S100A10: variants seen among roughly 807,000 people sequenced by gnomAD.
S100A10 encodes the protein S100 calcium binding protein A10, also known as protein S100-A10.
In S100A10, 3 loss-of-function variants were observed where a neutral mutation model predicts 7.1. The observed-to-expected ratio is 0.42, with a 90% CI of 0.19 to 1.10. The LOEUF (loss-of-function observed/expected upper bound fraction) is 1.10. Ranked by LOEUF, S100A10 falls within the 50% of genes least tolerant of loss-of-function variation. S100A10 has a pLI of 0.29. For missense variants in S100A10, 101 were observed against 118.1 expected (o/e 0.86, Z 0.67); for synonymous variants, 41 against 39.3 (o/e 1.04, Z -0.16).
intron 2 of S100A10, chr1:151,985,119 G>A (rs919010012): frequency 6.5e-6 from 1 of 152,920 alleles, no homozygotes; most frequent in African/African-American, 2.4e-5. Flanking sequence ...GGACTAATGT[G>A]CCGTTTACCA....
intron 2 of S100A10, among the ~76,000 whole-genome samples, chr1:151,984,907 T>C (rs148970863): frequency 2.6e-4 from 40 of 152,330 alleles, no homozygotes; most frequent in Middle Eastern, 3.4e-3. Context: ...TTCTAACTCC[T>C]GGTCTGGGGC....
chr1:151,988,517 C>A (rs751753549), intron 1 of S100A10, among the ~76,000 whole-genome samples: 3 of 152,104 alleles, frequency 2.0e-5, no homozygotes, highest in Non-Finnish European at 4.4e-5. Context: ...GAGGATTGAG[C>A]AATTAACACT....
rs1431260424 is a variant in S100A10, at chr1:151,993,074, T to C, written c.-22+678A>G. On this transcript the variant is annotated intron_variant, in intron 1 of 2. Coordinates refer to ENST00000368811, the MANE Select transcript of S100A10 (RefSeq NM_002966.3). This position sits in a 1 kb window ranked among gnomAD's most constrained non-coding sequence, Gnocchi z 5.1. ...ACTTATTAAGACAGCAAGGGAACCCTTTCAGTAGAGAAACCACGTCACACA... is the reference window on the plus strand; with the variant it reads ...ACTTATTAAGACAGCAAGGGAACCCCTTCAGTAGAGAAACCACGTCACACA... 6.6e-6 allele frequency among the ~76,000 whole-genome samples: 1 copy of C among 152,168 alleles called. No individual in the cohort carries two copies. The highest frequency in any genetic ancestry group is 2.4e-5 in the African/African-American group (1 of 41,436).
Position 151,993,423 on chromosome 1 carries a change from G to C in S100A10, c.-22+329C>G, listed in dbSNP as rs2101772618. On this transcript the variant is annotated intron_variant, in intron 1 of 2. Coordinates refer to ENST00000368811, the MANE Select transcript of S100A10 (RefSeq NM_002966.3). This position sits in a 1 kb window ranked among gnomAD's most constrained non-coding sequence, Gnocchi z 5.1. Reference sequence around the variant, plus strand: ...ACCCGAGAGACGAGTGGGAAAGTAGGAAAGGTGGGAGTAAAGCAACGCAAA... The same window carrying C: ...ACCCGAGAGACGAGTGGGAAAGTAGCAAAGGTGGGAGTAAAGCAACGCAAA... 6.6e-6 allele frequency among the ~76,000 whole-genome samples: 1 copy of C among 152,336 alleles called. No individual in the cohort carries two copies. The highest frequency in any genetic ancestry group is 2.1e-4 in the South Asian group (1 of 4,826).
chr1:151,986,037 G>C, intron 2 of S100A10, 62 bp downstream of exon 2: 1 of 1,441,602 alleles, frequency 6.9e-7, no homozygotes, highest in Non-Finnish European at 9.2e-7. Context: ...GAAGGAAAAG[G>C]AACCAAGGCC....
intron 1 of S100A10, among the ~76,000 whole-genome samples, chr1:151,989,446 G>A (rs530103236): frequency 1.3e-5 from 2 of 152,308 alleles, no homozygotes; most frequent in Admixed American, 1.3e-4. Flanking sequence ...GTAGCCAGGA[G>A]GTGAAAATAG....
chr1:151,989,050 A>G (rs893397127), intron 1 of S100A10, among the ~76,000 whole-genome samples: 2 of 152,176 alleles, frequency 1.3e-5, no homozygotes, highest in Admixed American at 6.5e-5. Flanking sequence ...GGACAGAAGG[A>G]AAGTGCAGAA....
At chr1:151,988,479 CAG>C (rs150608227) in intron 1 of S100A10, among the ~76,000 whole-genome samples, 2,192 of 152,238 alleles carry the variant, frequency 0.014, 65 homozygotes, top group African/African-American at 0.05. Flanking sequence ...CTATCTTTTA[CAG>C]AGGAGAAGGT....
At chr1:151,985,111 A>G (rs1363822059) in intron 2 of S100A10, 1 of 152,946 alleles carries the variant, frequency 6.5e-6, no homozygotes, top group Admixed American at 6.5e-5. Context: ...CAGGGGCTGG[A>G]CTAATGTGCC....
chr1:151,986,042 A>C, intron 2 of S100A10, 57 bp downstream of exon 2: 2 of 1,454,206 alleles, frequency 1.4e-6, no homozygotes, highest in Non-Finnish European at 1.8e-6. Context: ...AAAAGGAACC[A>C]AGGCCTAGAA....
At chr1:151,985,248 T>C (rs1655767250) in intron 2 of S100A10, 1 of 152,218 alleles carries the variant, frequency 6.6e-6, no homozygotes, top group Non-Finnish European at 1.5e-5. Flanking sequence ...ACAATTGTGG[T>C]AGGGAAAGAA....
chr1:151,986,317 T>G (rs1446936096), intron 1 of S100A10, 66 bp from the exon 2 acceptor site: 2 of 1,122,734 alleles, frequency 1.8e-6, no homozygotes, highest in Non-Finnish European at 2.5e-6. Flanking sequence ...TGCATGAATT[T>G]ATTTTTTTTA....
rs148543875 is a variant in S100A10 at position 151,983,876 on chromosome 1, T to C, written c.133-552A>G. On this transcript the variant is annotated intron_variant, in intron 2 of 2. Coordinates refer to ENST00000368811, the MANE Select transcript of S100A10 (RefSeq NM_002966.3). ...ACGATGAATTGAGGAGGTTGGACTA[T>C]AATGTTTCTAGAATCCTTTCATTCT... Among the ~76,000 whole-genome samples, 783 of 152,306 alleles carry C rather than the reference T, an allele frequency of 5.1e-3. 6 individuals are homozygous for C. Among genetic ancestry groups the C allele is most frequent in the Non-Finnish European group, 7.2e-3 (491 of 68,026 alleles).
chr1:151,991,793 T>G (rs1249608159), intron 1 of S100A10, among the ~76,000 whole-genome samples: 1 of 152,214 alleles, frequency 6.6e-6, no homozygotes, highest in Non-Finnish European at 1.5e-5. Context: ...AAAAGTCACA[T>G]TTTTTGAACT....
chr1:151,989,088 G>T (rs1245168831), intron 1 of S100A10, among the ~76,000 whole-genome samples: 2 of 152,134 alleles, frequency 1.3e-5, no homozygotes, highest in African/African-American at 4.8e-5. Flanking sequence ...GCAGGGTAAG[G>T]ACCTCTAAAT....
intron 2 of S100A10, 114 bp from the exon 3 acceptor site, chr1:151,983,438 G>T: frequency 1.8e-6 from 1 of 548,806 alleles, no homozygotes; most frequent in Non-Finnish European, 2.8e-6. Context: ...TTGAGCTCTT[G>T]TTTTAGGTCA....
intron 2 of S100A10, among the ~76,000 whole-genome samples, chr1:151,983,871 G>A (rs1273913872): frequency 6.6e-6 from 1 of 152,132 alleles, no homozygotes; most frequent in African/African-American, 2.4e-5. Flanking sequence ...GAGGAGGTTG[G>A]ACTATAATGT....
chr1:151,986,052 A>G (rs1281400378), intron 2 of S100A10, 47 bp downstream of exon 2: 1 of 1,522,358 alleles, frequency 6.6e-7, no homozygotes. Context: ...AAGGCCTAGA[A>G]GCATTGACTT....
intron 2 of S100A10, among the ~76,000 whole-genome samples, chr1:151,983,682 C>T (rs1025652779): frequency 2.0e-5 from 3 of 152,180 alleles, no homozygotes; most frequent in African/African-American, 7.2e-5. Flanking sequence ...TTTTGGATCA[C>T]TGTCCTATGG....
Sources: gnomAD v4.1 joint callset for allele counts (sites outside exome capture counted in the v4.1 genomes callset) on GRCh38, gnomAD v4.1.1 for gene constraint, Gnocchi (gnomAD v3.1) non-coding constraint, MANE v1.5 for transcripts, NCBI Gene and HGNC (gene_info 2026-07-23, HGNC 2026-07-21) for gene names.